RNF44: variants seen among roughly 807,000 people sequenced by gnomAD.
RNF44 encodes the protein ring finger protein 44.
In RNF44, 25 loss-of-function variants were observed where a neutral mutation model predicts 53.6. That is an observed-to-expected ratio of 0.47 (90% CI 0.34 to 0.65). The LOEUF (loss-of-function observed/expected upper bound fraction) is 0.65, where lower values mean the gene tolerates loss of function less well. RNF44 is among the 30% of genes least tolerant of loss of function. The pLI is 0.01. For missense variants in RNF44, 581 were observed against 595.5 expected (o/e 0.98, Z 0.25); for synonymous variants, 282 against 252.2 (o/e 1.12, Z -1.12).
rs1756781332 is a variant in RNF44 at position 176,532,459 on chromosome 5, GC to G, written c.13del (p.Ala5LeufsTer4). On this transcript the variant is annotated frameshift_variant, in exon 2 of 11. Transcript: ENST00000274811. LOFTEE classifies it high-confidence loss of function. Reference sequence around the variant, plus strand: ...GGGTGGCCACCTAGTCACTGCCAGAGCCCATGGTCGCATCGGGGGGGCAGGG... The same window carrying G: ...GGGTGGCCACCTAGTCACTGCCAGAGCCATGGTCGCATCGGGGGGGCAGGG... Reference protein sequence around the residue: MRPWALAVTRWPPSA... With the variant: MRPWXLAVTRWPPSA... 1.9e-6 allele frequency: 3 copies of G among 1,554,190 alleles called. No homozygotes were observed. The highest frequency in any genetic ancestry group is 2.6e-6 in the Non-Finnish European group (3 of 1,142,564).
In RNF44 at chr5:176,530,955, T is replaced by G; in HGVS notation, c.532A>C (p.Ser178Arg). 6.9e-7 allele frequency: 1 copy of G among 1,456,242 alleles called. No individual in the cohort carries two copies. The highest frequency in any genetic ancestry group is 9.0e-7 in the Non-Finnish European group (1 of 1,106,380). The allele number at this position is 1,456,242 out of a possible 1,614,324, so 90.2% of individuals were successfully genotyped here. A position where few individuals can be genotyped will look rare whatever the true frequency, so the allele number is the denominator to read the frequency against. ...GGGGGGTGCAGGATGTAGTGGTCAC[T>G]GGAGATGAGGTGGGGGTAGGCCTGA... ...PYQAYPHLIS[S>R]DHYILHPPPP... Residue 178 changes from serine to arginine, a missense_variant, in exon 5 of 11, where the codon AGT becomes CGT. By Grantham distance (110) the Ser-to-Arg change is moderately radical (BLOSUM62 -1). Transcript: ENST00000274811.
At position 176,532,190 on chromosome 5, in the gene RNF44, AG is replaced by A; in HGVS notation, c.110del (p.Pro37LeufsTer31). The A allele has an allele frequency of 6.6e-7, 1 of 1,518,024 alleles. No individual in the cohort carries two copies. The highest frequency in any genetic ancestry group is 1.3e-5 in the South Asian group (1 of 78,048). 94.0% of individuals were successfully genotyped at this position (1,518,024 alleles called of 1,614,324 possible). A position where few individuals can be genotyped will look rare whatever the true frequency, so the allele number is the denominator to read the frequency against. ...GSTPGQLWGS[P>X]GLEGPLASPP... ...GGCTGGCCAGGGGGCCCTCGAGGCC[AG>A]GGCTGCACCACAGAGAGGAGGCCCC... On this transcript the variant is annotated frameshift_variant and splice_region_variant, in exon 3 of 11. Transcript: ENST00000274811. LOFTEE classifies it high-confidence loss of function.
chr5:176,532,227 A>G (rs766211329), intron 2 of RNF44, 34 bp from the exon 3 acceptor site: 11 of 1,491,754 alleles, frequency 7.4e-6, no homozygotes, highest in Non-Finnish European at 5.4e-6. Flanking sequence ...GATAGGACTG[A>G]GGGGGGCCAC....
In RNF44 at chr5:176,531,005, G is replaced by A. The variant is rs770242120; in HGVS notation, c.482C>T (p.Thr161Ile). 13 of 1,453,484 alleles carry A rather than the reference G, an allele frequency of 8.9e-6. No homozygotes were observed. Among genetic ancestry groups the A allele is most frequent in the South Asian group, 4.8e-5 (3 of 62,290 alleles). 90.0% of individuals were successfully genotyped at this position (1,453,484 alleles called of 1,614,324 possible). ...ATAGGGCACAGGCAGCTGCTGCATG[G>A]TGCACGCCTGGATAAGCTGCCAAGA... ...CLPPPLIQAC[T>I]MQQLPVPYQA... The change falls in exon 5 of 11, where the codon ACC becomes ATC. Residue 161 changes from threonine (T) to isoleucine (I), a missense_variant. This residue lies in a region of RNF44 where 387 missense variants were observed against 366.0 expected (regional missense o/e 1.06). Transcript: ENST00000274811. This position sits in a 1 kb window ranked among gnomAD's most constrained non-coding sequence, Gnocchi z 4.2.
chr5:176,529,745 T>C lies in RNF44; in HGVS notation c.1000A>G (p.Met334Val), dbSNP rs1244304822. Reference protein sequence around the residue: ...SLDLDVDDVEMENYEALLNLA... With the variant: ...SLDLDVDDVEVENYEALLNLA... ...CTCCATGGGACCTCATAGTTCTCCA[T>C]CTCCACATCATCCACGTCCAGGTCC... The change falls in exon 8 of 11, where the codon ATG (methionine) becomes GTG (valine). Residue 334 changes from methionine to valine, a missense_variant. By Grantham distance (21) the Met-to-Val change is conservative (BLOSUM62 1). Coordinates refer to ENST00000274811, the MANE Select transcript of RNF44 (RefSeq NM_014901.5). 1 of 1,612,324 alleles carries C rather than the reference T, an allele frequency of 6.2e-7. No individual in the cohort carries two copies. Among genetic ancestry groups the C allele is most frequent in the Non-Finnish European group, 8.5e-7 (1 of 1,179,126 alleles).
Position 176,537,339 on chromosome 5 carries a change from G to C in RNF44, c.-444C>G, listed in dbSNP as rs1158351043. On this transcript the variant is annotated 5_prime_UTR_variant, in exon 1 of 11. Transcript: ENST00000274811. ...TTCGAAGCGGCGGGGTCGCGCGCCA[G>C]ACGGGAGGGGGCTCGCGGGGGCGCG... is the stretch of plus-strand genomic sequence containing the variant. 6.6e-6 allele frequency: 1 copy of C among 152,192 alleles called. No individual in the cohort carries two copies. Among genetic ancestry groups the C allele is most frequent in the Admixed American group, 6.5e-5 (1 of 15,284 alleles). 9.4% of individuals were successfully genotyped at this position (152,192 alleles called of 1,614,324 possible). A position where few individuals can be genotyped will look rare whatever the true frequency, so the allele number is the denominator to read the frequency against.
chr5:176,530,755 A>G lies in RNF44; in HGVS notation c.640-12T>C. 3 of 1,522,336 alleles carry G rather than the reference A, an allele frequency of 2.0e-6. No homozygotes were observed. The highest frequency in any genetic ancestry group is 1.7e-4 in the Middle Eastern group (1 of 5,846). The allele number at this position is 1,522,336 out of a possible 1,614,324, so 94.3% of individuals were successfully genotyped here. The stretch of plus-strand genomic sequence containing the variant: ...AGCCGCTGGAGGGGCTGGAAGAACC[A>G]GCGCCGGGTCAGCAAGTCAGTGAGA... On this transcript the variant is annotated splice_polypyrimidine_tract_variant and intron_variant, in intron 5 of 10. Coordinates refer to ENST00000274811, the MANE Select transcript of RNF44 (RefSeq NM_014901.5).
Position 176,530,733 on chromosome 5 carries a change from C to T in RNF44, c.650G>A (p.Arg217Gln), listed in dbSNP as rs772649637. Reference sequence around the variant, plus strand: ...ACGCAGGTCCACGTCGTTGTCGAGCCGCTGGAGGGGCTGGAAGAACCAGCG... The same window carrying T: ...ACGCAGGTCCACGTCGTTGTCGAGCTGCTGGAGGGGCTGGAAGAACCAGCG... ...QTQHPRMPLQ[R>Q]LDNDVDLRGD... The change falls in exon 6 of 11, where the codon CGG becomes CAG. Residue 217 changes from arginine (R) to glutamine (Q), a missense_variant. Arg to Gln is a conservative substitution (Grantham distance 43, BLOSUM62 1). Around this residue, in one of 3 missense-constraint regions of RNF44, gnomAD observed 387 missense variants for 366.0 expected, o/e 1.06. Coordinates refer to ENST00000274811, the MANE Select transcript of RNF44 (RefSeq NM_014901.5). The T allele has an allele frequency of 3.7e-5, 57 of 1,541,066 alleles. No individual in the cohort carries two copies. Among genetic ancestry groups the T allele is most frequent in the Middle Eastern group, 1.7e-4 (1 of 5,896 alleles).
In RNF44 at chr5:176,530,063, C is replaced by T. The variant is rs769733008; in HGVS notation, c.926+19G>A. 17 of 1,114,402 alleles carry T rather than the reference C, an allele frequency of 1.5e-5. No individual in the cohort carries two copies. The South Asian group carries it at 2.3e-4, about 15-fold the overall frequency. The allele number at this position is 1,114,402 out of a possible 1,614,324, so 69.0% of individuals were successfully genotyped here. On this transcript the variant is annotated intron_variant, in intron 7 of 10. Coordinates refer to ENST00000274811, the MANE Select transcript of RNF44 (RefSeq NM_014901.5). ...AGAACAGGGCATCAGGGACCTGGGG[C>T]GGATGTGCGGATACTTACAGGAAGT...
chr5:176,538,470 C>T (rs1308881678), upstream of RNF44, among the ~76,000 whole-genome samples: 3 of 152,168 alleles, frequency 2.0e-5, no homozygotes, highest in Admixed American at 6.6e-5. Context: ...TGGGGTATTA[C>T]CTCCACCACA....
Position 176,530,630 on chromosome 5 carries a change from C to G in RNF44, c.753G>C (p.Leu251=), listed in dbSNP as rs1322382249. ...GCAGCGGATCGTGGGGCAGGTAGTG[C>G]AGGGGCACCGACGGGGAAAGGGCTG... ...PGPALSPSVP[L]HYLPHDPLHQ... is the part of the protein sequence containing the mutation. Residue 251 remains leucine, a synonymous_variant, in exon 6 of 11, where the codon CTG becomes CTC. Transcript: ENST00000274811. 6 of 1,517,892 alleles carry G rather than the reference C, an allele frequency of 4.0e-6. No homozygotes were observed. The highest frequency in any genetic ancestry group is 5.3e-6 in the Non-Finnish European group (6 of 1,135,256). 94.0% of individuals were successfully genotyped at this position (1,517,892 alleles called of 1,614,324 possible).
intron 8 of RNF44, 32 bp from the exon 9 acceptor site, chr5:176,529,676 G>A (rs751724536): frequency 2.6e-5 from 42 of 1,611,774 alleles, no homozygotes; most frequent in Non-Finnish European, 3.2e-5. Flanking sequence ...GGTCAGCGGC[G>A]CCCAGGGCTG....
In RNF44 at chr5:176,529,321, C is replaced by G. The variant is rs1053379523; in HGVS notation, c.1203G>C (p.Glu401Asp). The G allele has an allele frequency of 6.2e-7, 1 of 1,613,584 alleles. No individual in the cohort carries two copies. The highest frequency in any genetic ancestry group is 1.3e-5 in the African/African-American group (1 of 74,948). The change falls in exon 10 of 11, where the codon GAG (glutamate) becomes GAC (aspartate). Residue 401 changes from glutamate to aspartate, a missense_variant. Physicochemically the swap from Glu to Asp is conservative, Grantham distance 45. Around this residue, in one of 3 missense-constraint regions of RNF44, gnomAD observed 183 missense variants for 198.6 expected, o/e 0.92. Transcript: ENST00000274811. The stretch of plus-strand genomic sequence containing the variant: ...ACTTGTCAACACACTTGGTGTGGAA[C>G]TCATGGTTGCAGGGGAGGACTCGGA... ...QLLRVLPCNHEFHTKCVDKWL... is the reference protein window; with the variant it reads ...QLLRVLPCNHDFHTKCVDKWL...
At chr5:176,532,577 T>C (rs1756796879) in intron 1 of RNF44, 61 bp from the exon 2 acceptor site, 1 of 1,387,522 alleles carries the variant, frequency 7.2e-7, no homozygotes, top group Non-Finnish European at 9.5e-7. Flanking sequence ...ACCTCGTCTC[T>C]GCTAAAAATA....
chr5:176,543,130 G>A, the RNF44 span, among the ~76,000 whole-genome samples: 1 of 151,340 alleles, frequency 6.6e-6, no homozygotes, highest in East Asian at 2.0e-4. This position sits in a 1 kb window ranked among gnomAD's most constrained non-coding sequence, Gnocchi z 4.0. Flanking sequence ...CCCGCCGTGC[G>A]GGCGCCGGCA....
chr5:176,543,424 G>GC, the RNF44 span: 1 of 151,602 alleles, frequency 6.6e-6, no homozygotes, highest in African/African-American at 2.4e-5. This position sits in a 1 kb window ranked among gnomAD's most constrained non-coding sequence, Gnocchi z 4.0. Context: ...GGCGCGCGGG[G>GC]CCCACACCGG....
chr5:176,543,057 TGGACCTAGCGGAC>T, the RNF44 span, among the ~76,000 whole-genome samples: 1 of 151,680 alleles, frequency 6.6e-6, no homozygotes, highest in Non-Finnish European at 1.5e-5. The surrounding 1 kb of genome is among the most constrained non-coding windows in gnomAD (Gnocchi z 4.0). Flanking sequence ...TTGGGGCGTT[TGGACCTAGCGGAC>T]GGGGAGAAGA....
At position 176,528,693 on chromosome 5, in the gene RNF44, C is replaced by A. The variant is rs1756267145; in HGVS notation, c.*335G>T. 5.2e-6 allele frequency: 2 copies of A among 384,786 alleles called. No homozygotes were observed. Among genetic ancestry groups the A allele is most frequent in the Non-Finnish European group, 9.5e-6 (2 of 209,664 alleles). The allele number at this position is 384,786 out of a possible 1,614,324, so 23.8% of individuals were successfully genotyped here. A position where few individuals can be genotyped will look rare whatever the true frequency, so the allele number is the denominator to read the frequency against. On this transcript the variant is annotated 3_prime_UTR_variant, in exon 11 of 11. Coordinates refer to ENST00000274811, the MANE Select transcript of RNF44 (RefSeq NM_014901.5). Reference sequence around the variant, plus strand: ...CCCATCCTGGGGCCAAGGATCTCCACCGGCCCCACTGAGGGAGCGGACCCC... The same window carrying A: ...CCCATCCTGGGGCCAAGGATCTCCAACGGCCCCACTGAGGGAGCGGACCCC...
At position 176,531,086 on chromosome 5, in the gene RNF44, G is replaced by T; in HGVS notation, c.466-65C>A. 1 of 1,244,652 alleles carries T rather than the reference G, an allele frequency of 8.0e-7. No homozygotes were observed. The highest frequency in any genetic ancestry group is 1.1e-6 in the Non-Finnish European group (1 of 937,146). The allele number at this position is 1,244,652 out of a possible 1,614,324, so 77.1% of individuals were successfully genotyped here. A position where few individuals can be genotyped will look rare whatever the true frequency, so the allele number is the denominator to read the frequency against. ...GGGCTCTGGGCCAGGTCTACGCCAT[G>T]CCACCCAGCAAAAGGCCCCCACCGG... On this transcript the variant is annotated intron_variant, in intron 4 of 10. Coordinates refer to ENST00000274811, the MANE Select transcript of RNF44 (RefSeq NM_014901.5). The surrounding 1 kb of genome is among the most constrained non-coding windows in gnomAD (Gnocchi z 4.2).
Sources: allele counts gnomAD v4.1 joint callset (sites outside exome capture counted in the v4.1 genomes callset), GRCh38; gene constraint gnomAD v4.1.1; regional missense constraint gnomAD v4.1.1; non-coding constraint Gnocchi (gnomAD v3.1); transcripts MANE v1.5; gene names NCBI Gene and HGNC (gene_info 2026-07-23, HGNC 2026-07-21).